Variants in GABPB2 observed in about 807,000 individuals in gnomAD.
GABPB2 encodes GA binding protein transcription factor subunit beta 2.
In GABPB2, 23 loss-of-function variants were observed where a neutral mutation model predicts 39.1. The observed-to-expected ratio is 0.59, with a 90% CI of 0.42 to 0.83. The LOEUF is 0.83. GABPB2 is among the 40% of genes least tolerant of loss of function. The pLI, the probability that GABPB2 is intolerant of heterozygous loss-of-function variation, is 0.00. For missense variants in GABPB2, 467 were observed against 541.1 expected (o/e 0.86, Z 1.36); for synonymous variants, 184 against 199.3 (o/e 0.92, Z 0.65).
At chr1:151,075,964 G>C (rs1480506979) in intron 1 of GABPB2, among the ~76,000 whole-genome samples, 1 of 152,098 alleles carries the variant, frequency 6.6e-6, no homozygotes, top group African/African-American at 2.4e-5. Flanking sequence ...TGATATTCCT[G>C]CCTGACTCTT....
At chr1:151,084,175 A>C (rs1571905597) in intron 1 of GABPB2, among the ~76,000 whole-genome samples, 1 of 150,000 alleles carries the variant, frequency 6.7e-6, no homozygotes, top group South Asian at 2.1e-4. Context: ...GCCTCCCTAA[A>C]TGCTGCAATT....
intron 7 of GABPB2, among the ~76,000 whole-genome samples, chr1:151,115,151 G>A (rs927672582): frequency 5.3e-5 from 8 of 151,596 alleles, no homozygotes; most frequent in Admixed American, 2.0e-4. Flanking sequence ...ACCTGAGGTC[G>A]GGAGTTTGAG....
Position 151,110,627 on chromosome 1 carries a change from A to G in GABPB2, c.922+3405A>G, listed in dbSNP as rs116809416. ...AGGTGCAAGCCACCACACCCAGCTA[A>G]TTTTTTACTTTTTCGTAGAGACAAG... On this transcript the variant is annotated intron_variant, in intron 7 of 8. Transcript: ENST00000368918. Among the ~76,000 whole-genome samples, 933 of 151,870 alleles carry G rather than the reference A, an allele frequency of 6.1e-3. 3 individuals are homozygous for G. The highest frequency in any genetic ancestry group is 9.0e-3 in the Non-Finnish European group (614 of 67,926).
At chr1:151,084,058 A>C (rs1294766821) in intron 1 of GABPB2, among the ~76,000 whole-genome samples, 1 of 149,174 alleles carries the variant, frequency 6.7e-6, no homozygotes, top group Non-Finnish European at 1.5e-5. Flanking sequence ...TATTATATAT[A>C]TAAAAAAATA....
At chr1:151,086,515 A>C (rs587658659) in intron 1 of GABPB2, among the ~76,000 whole-genome samples, 2 of 152,322 alleles carry the variant, frequency 1.3e-5, no homozygotes, top group South Asian at 4.1e-4. Context: ...TGGAAAAAGA[A>C]AAAAGGCAAA....
intron 8 of GABPB2, 112 bp downstream of exon 8, chr1:151,117,628 G>C (rs969478326): frequency 2.5e-6 from 3 of 1,185,824 alleles, no homozygotes; most frequent in Non-Finnish European, 2.4e-6. Context: ...GTGTTGCCCA[G>C]GCTGGAGTAC....
intron 1 of GABPB2, among the ~76,000 whole-genome samples, chr1:151,081,109 G>A (rs778129215): frequency 1.5e-4 from 23 of 151,316 alleles, no homozygotes; most frequent in Non-Finnish European, 2.5e-4. Flanking sequence ...TCCTGACTTC[G>A]TCATCCGCCC....
rs587710427 is a variant in GABPB2, at chr1:151,118,929, C to G, written c.*673C>G. 1.3e-5 allele frequency: 2 copies of G among 152,238 alleles called. No individual in the cohort carries two copies. Among genetic ancestry groups the G allele is most frequent in the African/African-American group, 4.8e-5 (2 of 41,476 alleles). The allele number at this position is 152,238 out of a possible 1,614,324, so 9.4% of individuals were successfully genotyped here. On this transcript the variant is annotated 3_prime_UTR_variant, in exon 9 of 9. Transcript: ENST00000368918. ...CCTCCTGAGTAGCTGGGAGGACAGG[C>G]ATATGCCACCACATCACTGAGAAGA...
At chr1:151,072,275 A>G (rs139144864) in intron 1 of GABPB2, among the ~76,000 whole-genome samples, 1,649 of 152,268 alleles carry the variant, frequency 0.011, 43 homozygotes, top group African/African-American at 0.038. Flanking sequence ...GGCCGGGCGC[A>G]GTGGCTCACG....
intron 1 of GABPB2, among the ~76,000 whole-genome samples, chr1:151,084,069 T>A (rs1053574872): frequency 1.3e-5 from 2 of 149,344 alleles, no homozygotes; most frequent in African/African-American, 2.4e-5. Context: ...TAAAAAAATA[T>A]ATATATTTTT....
In GABPB2 at chr1:151,105,493, A is replaced by G. The variant is rs145750512; in HGVS notation, c.737-1544A>G. Among the ~76,000 whole-genome samples, 845 of 149,768 alleles carry G rather than the reference A, an allele frequency of 5.6e-3. 10 individuals carry two copies. The highest frequency in any genetic ancestry group is 0.017 in the African/African-American group (701 of 40,988). ...ATACATTTAATATAAACATATATGT[A>G]TATATATATATGTTTGGGGTTTCTT... On this transcript the variant is annotated intron_variant, in intron 6 of 8. Coordinates refer to ENST00000368918, the MANE Select transcript of GABPB2 (RefSeq NM_144618.3).
At position 151,117,480 on chromosome 1, in the gene GABPB2, G is replaced by C. The variant is rs1680965142; in HGVS notation, c.1011G>C (p.Arg337Ser). The stretch of plus-strand genomic sequence containing the variant: ...AGTTGCCACTAACAAAGAAACCAAG[G>C]ATAGGAGAGAAGACAAACAGTGTGG... The part of the protein sequence containing the change: ...EEKLPLTKKP[R>S]IGEKTNSVEE... Residue 337 changes from arginine to serine, a missense_variant, in exon 8 of 9, where the codon AGG becomes AGC. Physicochemically the swap from Arg to Ser is moderately radical, Grantham distance 110. Coordinates refer to ENST00000368918, the MANE Select transcript of GABPB2 (RefSeq NM_144618.3). 1 of 1,613,866 alleles carries C rather than the reference G, an allele frequency of 6.2e-7. No homozygotes were observed. The highest frequency in any genetic ancestry group is 1.7e-5 in the Admixed American group (1 of 59,992).
intron 5 of GABPB2, among the ~76,000 whole-genome samples, chr1:151,102,505 C>T (rs1360609734): frequency 6.6e-6 from 1 of 151,834 alleles, no homozygotes; most frequent in East Asian, 1.9e-4. Context: ...TGCAGTGGTG[C>T]GATCTCGGCT....
chr1:151,093,214 A>G lies in GABPB2; in HGVS notation c.299A>G (p.Lys100Arg). The G allele has an allele frequency of 6.2e-7, 1 of 1,603,402 alleles. No individual in the cohort carries two copies. Among genetic ancestry groups the G allele is most frequent in the South Asian group, 1.1e-5 (1 of 88,982 alleles). ...LVRNGADVNA[K>R]DMLKMTALHW... is the part of the protein sequence containing the mutation. Reference sequence around the variant, plus strand: ...CAGAATGGTGCAGATGTGAATGCCAAGGACATGCTGAAGATGACAGCTTTG... The same window carrying G: ...CAGAATGGTGCAGATGTGAATGCCAGGGACATGCTGAAGATGACAGCTTTG... The change falls in exon 4 of 9, where the codon AAG becomes AGG. Residue 100 changes from lysine (K) to arginine (R), a missense_variant. Coordinates refer to ENST00000368918, the MANE Select transcript of GABPB2 (RefSeq NM_144618.3).
Position 151,110,005 on chromosome 1 carries a change from ATTTTTT to A in GABPB2, c.922+2815_922+2820del, listed in dbSNP as rs71577269. Among the ~76,000 whole-genome samples, 539 of 60,228 alleles carry A rather than the reference ATTTTTT, an allele frequency of 8.9e-3. 1 individual carries two copies. The highest frequency in any genetic ancestry group is 0.029 in the South Asian group (29 of 1,012). The allele number at this position is 60,228 out of a possible 152,430, so 39.5% of individuals were successfully genotyped here. A position where few individuals can be genotyped will look rare whatever the true frequency, so the allele number is the denominator to read the frequency against. ...AATCATGTGCCACCATGCCCAGCTA[ATTTTTT>A]TTTTTTTTTTTTTTTTTTTTTTTTT... On this transcript the variant is annotated intron_variant, in intron 7 of 8. Transcript: ENST00000368918.
chr1:151,104,205 CA>C (rs1036442856), intron 6 of GABPB2, among the ~76,000 whole-genome samples: 18 of 152,082 alleles, frequency 1.2e-4, no homozygotes, highest in African/African-American at 4.1e-4. Flanking sequence ...ATATTTAAAA[CA>C]AAAAAGTTTT....
intron 3 of GABPB2, among the ~76,000 whole-genome samples, chr1:151,092,844 T>G (rs80215845): frequency 0.048 from 7,282 of 152,266 alleles, 291 homozygotes; most frequent in African/African-American, 0.1. Flanking sequence ...CTAAACAGAC[T>G]TACTGATTTT....
At chr1:151,072,661 C>T (rs967807097) in intron 1 of GABPB2, among the ~76,000 whole-genome samples, 2 of 151,800 alleles carry the variant, frequency 1.3e-5, no homozygotes, top group Non-Finnish European at 2.9e-5. Context: ...GCCTGGCTAA[C>T]ATGGTGAAAC....
intron 5 of GABPB2, among the ~76,000 whole-genome samples, chr1:151,099,968 T>A (rs1679387822): frequency 6.6e-6 from 1 of 152,206 alleles, no homozygotes; most frequent in African/African-American, 2.4e-5. Context: ...GACCCCAACA[T>A]GCCCACCAGG....
Sources: allele counts gnomAD v4.1 joint callset (sites outside exome capture counted in the v4.1 genomes callset), GRCh38; gene constraint gnomAD v4.1.1; transcripts MANE v1.5; gene names NCBI Gene and HGNC (gene_info 2026-07-23, HGNC 2026-07-21).